The following NUP85 variants were observed in gnomAD, a reference collection of about 807,000 sequenced individuals.
NUP85 encodes the protein nucleoporin 85, also known as nuclear pore complex protein Nup85.
Under a neutral mutation model 92.8 loss-of-function variants are expected in NUP85, and 23 were observed. That is an observed-to-expected ratio of 0.25 (90% CI 0.18 to 0.35). The LOEUF is 0.35. NUP85 is among the 10% of genes least tolerant of loss of function. The probability of loss-of-function intolerance (pLI) is 1.00; values close to 1 mark genes in which losing one functional copy is unlikely to be tolerated. For missense variants in NUP85, 759 were observed against 822.8 expected, an observed-to-expected ratio of 0.92 and a Z score of 0.95; for synonymous variants, 314 against 306.9, an observed-to-expected ratio of 1.02 and a Z score of -0.24.
chr17:75,221,023 G>A (rs1426039659), intron 7 of NUP85, among the ~76,000 whole-genome samples: 7 of 150,564 alleles, frequency 4.6e-5, no homozygotes, highest in African/African-American at 1.5e-4. Flanking sequence ...CTGGGACCAC[G>A]GGCGCCTGCC....
chr17:75,215,709 C>T (rs769226835), intron 5 of NUP85, 45 bp from the exon 6 acceptor site: 1 of 1,576,114 alleles, frequency 6.3e-7, no homozygotes, highest in East Asian at 2.2e-5. Flanking sequence ...GAGAGCAAAG[C>T]TCAGGAATCA....
At chr17:75,225,037 G>C (rs896518554) in intron 7 of NUP85, 66 bp from the exon 8 acceptor site, 1 of 1,480,728 alleles carries the variant, frequency 6.8e-7, no homozygotes, top group East Asian at 2.3e-5. Flanking sequence ...TGAGGGGACT[G>C]GCCTCCTCAC....
chr17:75,234,591 A>G (rs763662878), intron 16 of NUP85, 46 bp from the exon 17 acceptor site: 7 of 1,604,958 alleles, frequency 4.4e-6, no homozygotes, highest in East Asian at 4.5e-5. Flanking sequence ...CACTTGGGCA[A>G]TTTGGGGGAA....
Position 75,212,034 on chromosome 17 carries a change from A to G in NUP85, c.333A>G (p.Ala111=), listed in dbSNP as rs753418828. 3 of 1,613,598 alleles carry G rather than the reference A, an allele frequency of 1.9e-6. No individual in the cohort carries two copies. In the East Asian group the frequency reaches 6.7e-5, roughly 36 times the overall value. ...VSKNYRSVIR[A]CMEEMHQVAI... is the part of the protein sequence containing the mutation. ...AAAACTACCGATCAGTCATCAGAGCATGTATGGAGGAAATGCACCAGGTTG... is the reference window on the plus strand; with the variant it reads ...AAAACTACCGATCAGTCATCAGAGCGTGTATGGAGGAAATGCACCAGGTTG... Residue 111 remains alanine, a synonymous_variant, in exon 4 of 19, where the codon GCA becomes GCG. Transcript: ENST00000245544.
At chr17:75,215,704 C>T (rs1328455030) in intron 5 of NUP85, 50 bp from the exon 6 acceptor site, 6 of 1,562,962 alleles carry the variant, frequency 3.8e-6, no homozygotes, top group South Asian at 1.1e-5. Flanking sequence ...GCTCTGAGAG[C>T]AAAGCTCAGG....
rs202239179 is a variant in NUP85, at chr17:75,234,720, C to T, written c.1699C>T (p.Arg567Trp). The T allele has an allele frequency of 1.6e-4, 261 of 1,614,062 alleles. No individual in the cohort carries two copies. Among genetic ancestry groups the T allele is most frequent in the Non-Finnish European group, 2.1e-4 (248 of 1,180,014 alleles). Residue 567 changes from arginine to tryptophan, a missense_variant, in exon 17 of 19, where the codon CGG becomes TGG. By Grantham distance (101) the Arg-to-Trp change is moderately radical. Coordinates refer to ENST00000245544, the MANE Select transcript of NUP85 (RefSeq NM_024844.5). The stretch of plus-strand genomic sequence containing the variant: ...TCTCCTTCTGTCCTTGATGACGTCT[C>T]GGATTGCCCCTCGGTCTTTCTGGAT... ...ASLLLSLMTS[R>W]IAPRSFWMTL...
In NUP85 at chr17:75,212,629, T is replaced by C. The variant is rs531215569; in HGVS notation, c.362-447T>C. On this transcript the variant is annotated intron_variant, in intron 4 of 18. Coordinates refer to ENST00000245544, the MANE Select transcript of NUP85 (RefSeq NM_024844.5). ...TTGGGACTGCAGGTGTGTACTACCA[T>C]GCCCAGCTAATTTAAACAGTTTTTG... Among the ~76,000 whole-genome samples the C allele has an allele frequency of 3.0e-3, 464 of 152,136 alleles. 4 individuals carry two copies. Among genetic ancestry groups the C allele is most frequent in the African/African-American group, 0.011 (453 of 41,514 alleles).
At chr17:75,218,791 G>C (rs1007058299) in intron 7 of NUP85, among the ~76,000 whole-genome samples, 1 of 151,956 alleles carries the variant, frequency 6.6e-6, no homozygotes, top group Admixed American at 6.6e-5. Flanking sequence ...GTCCGACTCT[G>C]TTCCCCAGGC....
intron 6 of NUP85, among the ~76,000 whole-genome samples, 164 bp downstream of exon 6, chr17:75,215,987 C>T (rs1451141176): frequency 6.6e-6 from 1 of 152,170 alleles, no homozygotes; most frequent in African/African-American, 2.4e-5. Context: ...GAAACCTGAC[C>T]GTTTTGTCAG....
chr17:75,224,559 G>A (rs549140239), intron 7 of NUP85, among the ~76,000 whole-genome samples: 55 of 152,176 alleles, frequency 3.6e-4, no homozygotes, highest in African/African-American at 1.1e-3. Flanking sequence ...GGGGCTGAGC[G>A]TGGTGGCTCA....
intron 2 of NUP85, among the ~76,000 whole-genome samples, chr17:75,209,257 G>C (rs1455190697): frequency 2.0e-5 from 3 of 152,098 alleles, no homozygotes; most frequent in Non-Finnish European, 2.9e-5. Context: ...AGTTCTGTAG[G>C]CTGAGCTGAG....
At chr17:75,230,072 C>T (rs567960226) in intron 11 of NUP85, among the ~76,000 whole-genome samples, 3 of 142,010 alleles carry the variant, frequency 2.1e-5, no homozygotes, top group Non-Finnish European at 4.5e-5. Context: ...GAGACAGAGT[C>T]TTGCCCTGTC....
Position 75,231,289 on chromosome 17 carries a change from A to G in NUP85, c.1095-51A>G, listed in dbSNP as rs1411121292. The G allele has an allele frequency of 1.3e-6, 2 of 1,581,880 alleles. No individual in the cohort carries two copies. Among genetic ancestry groups the G allele is most frequent in the Non-Finnish European group, 1.7e-6 (2 of 1,150,948 alleles). Reference sequence around the variant, plus strand: ...TCTTGCTCACCCCCACTCTTGTGGGACGCGGCCTGTGCCCTGATTTTCCTT... The same window carrying G: ...TCTTGCTCACCCCCACTCTTGTGGGGCGCGGCCTGTGCCCTGATTTTCCTT... On this transcript the variant is annotated intron_variant, in intron 11 of 18. Coordinates refer to ENST00000245544, the MANE Select transcript of NUP85 (RefSeq NM_024844.5). The surrounding 1 kb of genome is among the most constrained non-coding windows in gnomAD (Gnocchi z 4.6).
Position 75,221,672 on chromosome 17 carries a change from T to C in NUP85, c.597+3366T>C, listed in dbSNP as rs556995687. On this transcript the variant is annotated intron_variant, in intron 7 of 18. Coordinates refer to ENST00000245544, the MANE Select transcript of NUP85 (RefSeq NM_024844.5). ...AAGGACATAAATGTGGGTGAAGTAGTTGACACGGTTGATGCACAGTAAAAG... is the reference window on the plus strand; with the variant it reads ...AAGGACATAAATGTGGGTGAAGTAGCTGACACGGTTGATGCACAGTAAAAG... Among the ~76,000 whole-genome samples the C allele has an allele frequency of 1.2e-4, 18 of 152,294 alleles. No individual in the cohort carries two copies. In the South Asian group the frequency reaches 3.7e-3, roughly 32 times the overall value.
intron 17 of NUP85, 105 bp from the exon 18 acceptor site, chr17:75,234,995 T>C (rs2076275094): frequency 9.4e-7 from 1 of 1,065,848 alleles, no homozygotes; most frequent in African/African-American, 1.6e-5. Flanking sequence ...CAAAGCACAC[T>C]ATTGCGAAGG....
chr17:75,212,072 G>T lies in NUP85; in HGVS notation c.361+10G>T. 1 of 1,565,474 alleles carries T rather than the reference G, an allele frequency of 6.4e-7. No homozygotes were observed. Among genetic ancestry groups the T allele is most frequent in the Non-Finnish European group, 8.6e-7 (1 of 1,160,058 alleles). ...ATGCACCAGGTTGCAAGTAAGGACTGTGTGCGCGTGCGCGCGTGTGTGTGT... is the reference window on the plus strand; with the variant it reads ...ATGCACCAGGTTGCAAGTAAGGACTTTGTGCGCGTGCGCGCGTGTGTGTGT... On this transcript the variant is annotated intron_variant, in intron 4 of 18. Coordinates refer to ENST00000245544, the MANE Select transcript of NUP85 (RefSeq NM_024844.5).
At position 75,205,752 on chromosome 17, in the gene NUP85, G is replaced by A. The variant is rs755148857; in HGVS notation, c.-10G>A. 23 of 1,614,188 alleles carry A rather than the reference G, an allele frequency of 1.4e-5. No individual in the cohort carries two copies. Among genetic ancestry groups the A allele is most frequent in the Non-Finnish European group, 1.9e-5 (22 of 1,180,028 alleles). ...TCCGAGCGACTTCTAGGAGCCTGGGGTTCGGCGCTATGGAGGAGCTCGATG... is the reference window on the plus strand; with the variant it reads ...TCCGAGCGACTTCTAGGAGCCTGGGATTCGGCGCTATGGAGGAGCTCGATG... On this transcript the variant is annotated 5_prime_UTR_variant, in exon 1 of 19. Transcript: ENST00000245544.
chr17:75,208,959 G>T (rs1323194837), intron 2 of NUP85, among the ~76,000 whole-genome samples: 1 of 151,788 alleles, frequency 6.6e-6, no homozygotes, highest in Non-Finnish European at 1.5e-5. Flanking sequence ...GCCTAGGCTG[G>T]TCTCGCACTC....
intron 1 of NUP85, among the ~76,000 whole-genome samples, chr17:75,207,529 G>C (rs1433281022): frequency 6.6e-6 from 1 of 151,410 alleles, no homozygotes; most frequent in Non-Finnish European, 1.5e-5. Context: ...ACCCAGAGTG[G>C]AGTGCAGTGG....
Sources: allele counts gnomAD v4.1 joint callset (sites outside exome capture counted in the v4.1 genomes callset), GRCh38; gene constraint gnomAD v4.1.1; non-coding constraint Gnocchi (gnomAD v3.1); transcripts MANE v1.5; gene names NCBI Gene and HGNC (gene_info 2026-07-23, HGNC 2026-07-21).